Variants in VWF observed in about 807,000 individuals in gnomAD.
VWF encodes von Willebrand factor.
A neutral mutation model predicts 308.6 loss-of-function variants in VWF; 176 were observed. That is an observed-to-expected ratio of 0.57 (90% CI 0.50 to 0.65). The LOEUF is 0.65. Ranked by LOEUF, VWF falls within the 30% of genes least tolerant of loss-of-function variation. VWF has a pLI of 0.00. For missense variants in VWF, 3,146 were observed against 3,648.2 expected (o/e 0.86, Z 3.55); for synonymous variants, 1,385 against 1,443.4 (o/e 0.96, Z 0.92).
chr12:6,027,853 C>T (rs1369786646), intron 22 of VWF, among the ~76,000 whole-genome samples: 1 of 84,742 alleles, frequency 1.2e-5, no homozygotes, highest in Non-Finnish European at 2.7e-5. Flanking sequence ...GACACATACA[C>T]ACACACACAC....
At chr12:5,978,850 G>C (rs1488234514) in intron 42 of VWF, among the ~76,000 whole-genome samples, 1 of 152,160 alleles carries the variant, frequency 6.6e-6, no homozygotes, top group African/African-American at 2.4e-5. Context: ...AAGGTAGGGG[G>C]ACTTTTGTCA....
chr12:6,033,675 C>G (rs1860416), intron 20 of VWF, among the ~76,000 whole-genome samples: 31,156 of 152,230 alleles, frequency 0.2, 3,471 homozygotes, highest in Non-Finnish European at 0.25. Flanking sequence ...GCCTGCCTCT[C>G]TGGGCCAGCC....
At chr12:5,971,492 C>T in intron 44 of VWF, 107 bp downstream of exon 44, 1 of 908,870 alleles carries the variant, frequency 1.1e-6, no homozygotes, top group African/African-American at 1.6e-5. Flanking sequence ...GGTGAAATGC[C>T]CAGTGGGGAA....
At chr12:5,951,747 A>G (rs1943193035) in intron 50 of VWF, 97 bp downstream of exon 50, 15 of 1,303,710 alleles carry the variant, frequency 1.2e-5, no homozygotes, top group Non-Finnish European at 1.4e-5. Flanking sequence ...AAGAACAGTC[A>G]TGCGGCTTGC....
chr12:6,116,224 G>A (rs541109235), intron 3 of VWF, among the ~76,000 whole-genome samples: 1 of 152,312 alleles, frequency 6.6e-6, no homozygotes, highest in African/African-American at 2.4e-5. Context: ...AAAGAGGCAA[G>A]ACAAGCCAGC....
intron 50 of VWF, among the ~76,000 whole-genome samples, chr12:5,951,107 C>T (rs1943185434): frequency 1.3e-5 from 2 of 152,096 alleles, no homozygotes; most frequent in Admixed American, 6.5e-5. Context: ...AATCTTAGTC[C>T]AGGCAAGTAA....
intron 13 of VWF, 127 bp downstream of exon 13, chr12:6,062,827 C>T (rs1944669167): frequency 1.3e-6 from 1 of 768,520 alleles, no homozygotes; most frequent in African/African-American, 1.7e-5. Flanking sequence ...GTTTCTCGCT[C>T]TGGGGGTGTA....
chr12:6,108,780 G>C (rs1225293851), intron 5 of VWF, among the ~76,000 whole-genome samples: 1 of 152,012 alleles, frequency 6.6e-6, no homozygotes, highest in Non-Finnish European at 1.5e-5. Flanking sequence ...AGGAGTTGGA[G>C]ACCACCCTGG....
intron 32 of VWF, 67 bp from the exon 33 acceptor site, chr12:6,012,197 G>A (rs1944004108): frequency 1.9e-6 from 3 of 1,543,634 alleles, no homozygotes; most frequent in African/African-American, 1.4e-5. Flanking sequence ...CATTCACAAT[G>A]TCTGCTTAAG....
intron 26 of VWF, among the ~76,000 whole-genome samples, chr12:6,022,390 C>T (rs968736631): frequency 1.2e-4 from 19 of 152,090 alleles, no homozygotes; most frequent in Admixed American, 3.3e-4. Context: ...TGGCTATTTA[C>T]GTTAAATTAA....
intron 14 of VWF, 106 bp downstream of exon 14, chr12:6,057,743 C>T: frequency 7.3e-7 from 1 of 1,361,780 alleles, no homozygotes. Flanking sequence ...TCCTCGCTCC[C>T]CGCCCCCGCC....
intron 24 of VWF, among the ~76,000 whole-genome samples, chr12:6,025,164 G>A (rs1295745168): frequency 6.6e-6 from 1 of 152,212 alleles, no homozygotes; most frequent in Non-Finnish European, 1.5e-5. Context: ...ATTTCTGTGA[G>A]ACAAGAAATG....
chr12:6,089,806 C>T (rs1381067388), intron 6 of VWF, among the ~76,000 whole-genome samples: 2 of 152,126 alleles, frequency 1.3e-5, no homozygotes, highest in Non-Finnish European at 2.9e-5. Context: ...CCTCCACAGC[C>T]ACCCTGACCC....
In VWF at chr12:6,011,672, G is replaced by A. The variant is rs781451818; in HGVS notation, c.5787C>T (p.Asn1929=). ...CDRGLRPSCP[N]SQSPVKVEET... is the part of the protein sequence containing the mutation. Reference sequence around the variant, plus strand: ...CTTCCACTTTAACAGGGGACTGGCTGTTAGGGCACGAAGGCCTCAGCCCCC... The same window carrying A: ...CTTCCACTTTAACAGGGGACTGGCTATTAGGGCACGAAGGCCTCAGCCCCC... Residue 1929 remains asparagine (N), a synonymous_variant, in exon 34 of 52, where the codon AAC becomes AAT. Transcript: ENST00000261405. The A allele has an allele frequency of 1.9e-6, 3 of 1,613,624 alleles. No individual in the cohort carries two copies. The highest frequency in any genetic ancestry group is 2.7e-5 in the African/African-American group (2 of 74,930).
intron 34 of VWF, among the ~76,000 whole-genome samples, chr12:6,000,811 C>CAAAAAA (rs71064181): frequency 1.3e-4 from 9 of 69,806 alleles, no homozygotes; most frequent in Non-Finnish European, 1.8e-4. Context: ...GACTCTGTCT[C>CAAAAAA]AAAAAAAAAA....
chr12:6,011,341 T>C (rs146210548), intron 34 of VWF, among the ~76,000 whole-genome samples: 2 of 152,328 alleles, frequency 1.3e-5, no homozygotes, highest in African/African-American at 2.4e-5. Context: ...AAGCTGAGCA[T>C]TGACCTCAGA....
At chr12:5,981,761 T>C (rs773996866) in intron 42 of VWF, 25 bp downstream of exon 42, 4 of 1,596,462 alleles carry the variant, frequency 2.5e-6, no homozygotes, top group Admixed American at 3.3e-5. Context: ...TATTAACTGA[T>C]AGTTAATAGC....
At position 6,046,783 on chromosome 12, in the gene VWF, T is replaced by C; in HGVS notation, c.2221A>G (p.Ser741Gly). 6.2e-7 allele frequency: 1 copy of C among 1,614,124 alleles called. No homozygotes were observed. The highest frequency in any genetic ancestry group is 8.5e-7 in the Non-Finnish European group (1 of 1,180,036). ...GGCAGCAAGCTTCCGGGGACTCCAC[T>C]CATGGTACAGTGCATGAAGCCATCC... ...CEDGFMHCTM[S>G]GVPGSLLPDA... The change falls in exon 17 of 52, where the codon AGT becomes GGT. Residue 741 changes from serine to glycine, a missense_variant. By Grantham distance (56) the Ser-to-Gly change is moderately conservative. Around this residue, in one of 3 missense-constraint regions of VWF, gnomAD observed 1,304 missense variants for 1,353.0 expected, o/e 0.96. Transcript: ENST00000261405. The surrounding 1 kb of genome is among the most constrained non-coding windows in gnomAD (Gnocchi z 5.0).
chr12:5,976,213 C>T lies in VWF; in HGVS notation c.7335G>A (p.Glu2445=), dbSNP rs1487209314. ...STIYPVGQFW[E]EGCDVCTCTD... ...TGCAGGTGCACACATCGCAGCCCTC[C>T]TCCCAGAACTGGCCCACAGGGTAGA... Residue 2445 remains glutamate, a synonymous_variant, in exon 43 of 52, where the codon GAG becomes GAA. Coordinates refer to ENST00000261405, the MANE Select transcript of VWF (RefSeq NM_000552.5). The T allele has an allele frequency of 6.2e-7, 1 of 1,614,056 alleles. No homozygotes were observed. The highest frequency in any genetic ancestry group is 8.5e-7 in the Non-Finnish European group (1 of 1,180,044).
Sources: gnomAD v4.1 joint callset for allele counts (sites outside exome capture counted in the v4.1 genomes callset) on GRCh38, gnomAD v4.1.1 for gene constraint, gnomAD v4.1.1 regional missense constraint, Gnocchi (gnomAD v3.1) non-coding constraint, MANE v1.5 for transcripts, NCBI Gene and HGNC (gene_info 2026-07-23, HGNC 2026-07-21) for gene names.